Variants in SIAH3 observed in about 807,000 individuals in gnomAD.
The protein encoded by SIAH3 is seven in absentia homolog 3.
Under a neutral mutation model 12.6 loss-of-function variants are expected in SIAH3, and 9 were observed. The ratio of observed to expected loss-of-function variants is 0.72; its 90% CI spans 0.43 to 1.25. The LOEUF is 1.25. SIAH3 is among the 50% of genes most tolerant of loss of function. The pLI, the probability that SIAH3 is intolerant of heterozygous loss-of-function variation, is 0.00. For synonymous variants in SIAH3, 154 were observed against 151.1 expected, an observed-to-expected ratio of 1.02 and a Z score of -0.14; for missense variants, 390 against 365.4, an observed-to-expected ratio of 1.07 and a Z score of -0.55.
At chr13:45,790,414 GTCT>G (rs1488005231) in intron 1 of SIAH3, among the ~76,000 whole-genome samples, 15 of 152,060 alleles carry the variant, frequency 9.9e-5, no homozygotes, top group Non-Finnish European at 1.9e-4. Flanking sequence ...GACCAAGCCG[GTCT>G]TCTTATAAAC....
At chr13:45,809,427 C>T (rs997455129) in intron 1 of SIAH3, among the ~76,000 whole-genome samples, 4 of 152,136 alleles carry the variant, frequency 2.6e-5, no homozygotes, top group Non-Finnish European at 4.4e-5. Context: ...ATTGAGAGGC[C>T]GGGCCTCATG....
In SIAH3 at chr13:45,846,084, C is replaced by CTTTTTTTTTT. The variant is rs386379026; in HGVS notation, c.135+5401_135+5410dup. On this transcript the variant is annotated intron_variant, in intron 1 of 1. Coordinates refer to ENST00000400405, the MANE Select transcript of SIAH3 (RefSeq NM_198849.3). ...GATCTGATGTTAGAAGACCTAACTT[C>CTTTTTTTTTT]TTTTTTTTTTTTTTTTTTTTTTGAG... Among the ~76,000 whole-genome samples the CTTTTTTTTTT allele has an allele frequency of 2.7e-4, 23 of 85,690 alleles. 1 individual carries two copies. The highest frequency in any genetic ancestry group is 7.0e-4 in the Admixed American group (4 of 5,724). 56.2% of individuals were successfully genotyped at this position (85,690 alleles called of 152,430 possible). A position where few individuals can be genotyped will look rare whatever the true frequency, so the allele number is the denominator to read the frequency against.
At chr13:45,828,780 G>A (rs188916419) in intron 1 of SIAH3, among the ~76,000 whole-genome samples, 11 of 152,190 alleles carry the variant, frequency 7.2e-5, no homozygotes, top group African/African-American at 2.6e-4. Flanking sequence ...ATTGAATTCC[G>A]GTCTCATTGT....
At chr13:45,823,583 C>T (rs1950663858) in intron 1 of SIAH3, among the ~76,000 whole-genome samples, 1 of 152,194 alleles carries the variant, frequency 6.6e-6, no homozygotes, top group African/African-American at 2.4e-5. Context: ...AAACTCTCAG[C>T]CCTAGAGAAC....
intron 1 of SIAH3, among the ~76,000 whole-genome samples, chr13:45,812,247 C>T (rs1367905606): frequency 6.6e-6 from 1 of 152,200 alleles, no homozygotes; most frequent in East Asian, 1.9e-4. Flanking sequence ...AGGACATTCA[C>T]TGATACCATC....
chr13:45,844,455 T>C (rs967341330), intron 1 of SIAH3, among the ~76,000 whole-genome samples: 5 of 152,186 alleles, frequency 3.3e-5, no homozygotes, highest in African/African-American at 9.7e-5. Context: ...ACTCCAGGAC[T>C]TACACCAGCA....
chr13:45,839,634 C>T (rs546511417), intron 1 of SIAH3, among the ~76,000 whole-genome samples: 1 of 151,520 alleles, frequency 6.6e-6, no homozygotes, highest in Non-Finnish European at 1.5e-5. Context: ...AGATCAAGAC[C>T]ATCCTGGCTA....
rs149992842 is a variant in SIAH3, at chr13:45,835,865, C to T, written c.135+15630G>A. On this transcript the variant is annotated intron_variant, in intron 1 of 1. Coordinates refer to ENST00000400405, the MANE Select transcript of SIAH3 (RefSeq NM_198849.3). Reference sequence around the variant, plus strand: ...AATATCACGTTTCTGCCTTAGAGCACGCTTTGGGAGACGCCTGATTCTTTC... The same window carrying T: ...AATATCACGTTTCTGCCTTAGAGCATGCTTTGGGAGACGCCTGATTCTTTC... Among the ~76,000 whole-genome samples the T allele has an allele frequency of 1.6e-4, 24 of 152,326 alleles. No individual in the cohort carries two copies. In the East Asian group the frequency reaches 3.5e-3, roughly 22 times the overall value.
At chr13:45,850,371 C>T (rs576062295) in intron 1 of SIAH3, among the ~76,000 whole-genome samples, 5 of 152,308 alleles carry the variant, frequency 3.3e-5, no homozygotes, top group Admixed American at 3.3e-4. Flanking sequence ...GCTCTTCCTG[C>T]CCAACAGCAG....
At chr13:45,787,609 C>A (rs1175145915) in intron 1 of SIAH3, among the ~76,000 whole-genome samples, 1 of 152,108 alleles carries the variant, frequency 6.6e-6, no homozygotes, top group Non-Finnish European at 1.5e-5. Flanking sequence ...TTTGAAGGAG[C>A]TGGGTATGAA....
intron 1 of SIAH3, among the ~76,000 whole-genome samples, chr13:45,800,988 G>A (rs1299899533): frequency 6.6e-6 from 1 of 151,694 alleles, no homozygotes; most frequent in East Asian, 1.9e-4. Flanking sequence ...GACTCTGCCT[G>A]TGTCCACCTT....
intron 1 of SIAH3, among the ~76,000 whole-genome samples, chr13:45,794,667 C>T (rs1382643928): frequency 2.0e-5 from 3 of 152,148 alleles, no homozygotes; most frequent in Admixed American, 6.5e-5. Flanking sequence ...CCATGTAAGA[C>T]GTGCCTTTGC....
Position 45,780,999 on chromosome 13 carries a change from C to T in SIAH3, c.*2384G>A, listed in dbSNP as rs945827320. The T allele has an allele frequency of 1.3e-5, 2 of 152,422 alleles. No homozygotes were observed. The highest frequency in any genetic ancestry group is 4.8e-5 in the African/African-American group (2 of 41,458). 9.4% of individuals were successfully genotyped at this position (152,422 alleles called of 1,614,324 possible). ...TTCTTCACATATGGATATGGAGAGGCCTTTTGGGGAGCACCATAGATGGAA... is the reference window on the plus strand; with the variant it reads ...TTCTTCACATATGGATATGGAGAGGTCTTTTGGGGAGCACCATAGATGGAA... On this transcript the variant is annotated 3_prime_UTR_variant, in exon 2 of 2. Transcript: ENST00000400405.
intron 1 of SIAH3, among the ~76,000 whole-genome samples, chr13:45,791,526 C>T (rs1358449447): frequency 2.0e-5 from 3 of 152,092 alleles, no homozygotes; most frequent in Admixed American, 1.3e-4. Flanking sequence ...GGCCAAGTGT[C>T]CACGGCTGTG....
intron 1 of SIAH3, among the ~76,000 whole-genome samples, chr13:45,803,612 G>A (rs1218284614): frequency 6.6e-6 from 1 of 152,162 alleles, no homozygotes; most frequent in South Asian, 2.1e-4. Flanking sequence ...TAGACAAAAA[G>A]CAATAGAATT....
intron 1 of SIAH3, among the ~76,000 whole-genome samples, chr13:45,826,401 A>ATGGGTGAGTGGGTGGG (rs752565228): frequency 1.7e-5 from 1 of 58,966 alleles, no homozygotes; most frequent in Non-Finnish European, 3.0e-5. Context: ...GGATGGATGG[A>ATGGGTGAGTGGGTGGG]TGGATGGATG....
At chr13:45,831,733 ACAGCTCATTTCT>A (rs1223709859) in intron 1 of SIAH3, among the ~76,000 whole-genome samples, 1 of 152,162 alleles carries the variant, frequency 6.6e-6, no homozygotes, top group Admixed American at 6.5e-5. Context: ...AGAAGATGGA[ACAGCTCATTTCT>A]TCATGTGTCT....
rs777743969 is a variant in SIAH3, at chr13:45,783,638, G to A, written c.555C>T (p.Ala185=). The A allele has an allele frequency of 6.2e-7, 1 of 1,614,162 alleles. No homozygotes were observed. The change falls in exon 2 of 2, where the codon GCC becomes GCT. Residue 185 remains alanine (A), a synonymous_variant. Transcript: ENST00000400405. ...TGGGGGTCCCAATCAGCATCATGGT[G>A]GCAAAGAACTGGGGGTGCCCTTCAT... ...ERHEGHPQFF[A]TMMLIGTPTQ...
intron 1 of SIAH3, among the ~76,000 whole-genome samples, chr13:45,814,331 T>G (rs1276020225): frequency 6.6e-6 from 1 of 151,338 alleles, no homozygotes; most frequent in Non-Finnish European, 1.5e-5. Context: ...GAGCCGACAA[T>G]TCAATGGGAG....
Sources: allele counts gnomAD v4.1 joint callset (sites outside exome capture counted in the v4.1 genomes callset), GRCh38; gene constraint gnomAD v4.1.1; transcripts MANE v1.5; gene names NCBI Gene and HGNC (gene_info 2026-07-23, HGNC 2026-07-21).